Variants in TANC2 observed in about 807,000 individuals in gnomAD.
TANC2 encodes tetratricopeptide repeat, ankyrin repeat and coiled-coil containing 2.
Under a neutral mutation model 210.5 loss-of-function variants are expected in TANC2, and 26 were observed. The ratio of observed to expected loss-of-function variants is 0.12; its 90% confidence interval spans 0.09 to 0.17. The LOEUF is 0.17. Among genes scored for constraint, TANC2 ranks in the 10% least tolerant of loss-of-function variants. The pLI is 1.00. For synonymous variants in TANC2, 931 were observed against 967.1 expected (o/e 0.96, Z 0.69); for missense variants, 2,129 against 2,608.9 (o/e 0.82, Z 4.01).
Position 63,361,651 on chromosome 17 carries a change from C to T in TANC2, c.2582+6261C>T, listed in dbSNP as rs181277084. Among the ~76,000 whole-genome samples the T allele has an allele frequency of 2.6e-5, 4 of 152,332 alleles. No homozygotes were observed. In the East Asian group the frequency reaches 5.8e-4, roughly 22 times the overall value. ...TCAGGGAGTCCCTAGGTCTGGGCTC[C>T]TCAAAGAACTGCAGCTCTTCTCTCC... On this transcript the variant is annotated intron_variant, in intron 14 of 27. Transcript: ENST00000689528.
chr17:63,010,250 T>C (rs1238200049), intron 2 of TANC2, among the ~76,000 whole-genome samples: 1 of 152,190 alleles, frequency 6.6e-6, no homozygotes, highest in Non-Finnish European at 1.5e-5. Flanking sequence ...ATTGGTACTG[T>C]ATTTATTGTC....
chr17:63,170,270 CA>C (rs1390152774), intron 5 of TANC2, among the ~76,000 whole-genome samples: 1,675 of 122,260 alleles, frequency 0.014, 21 homozygotes, highest in African/African-American at 0.041. Flanking sequence ...ACTAAAAATA[CA>C]AAAAAAAAAA....
intron 9 of TANC2, among the ~76,000 whole-genome samples, chr17:63,304,786 G>A (rs1425244964): frequency 1.3e-5 from 2 of 152,168 alleles, no homozygotes; most frequent in African/African-American, 2.4e-5. Flanking sequence ...CCTGGCTGGA[G>A]TTGTTGGAGT....
intron 5 of TANC2, among the ~76,000 whole-genome samples, chr17:63,178,873 A>G (rs572049158): frequency 6.6e-6 from 1 of 152,356 alleles, no homozygotes; most frequent in Admixed American, 6.5e-5. Context: ...GAATTTGGAT[A>G]CATTGGCTAT....
chr17:63,420,309 C>T lies in TANC2; in HGVS notation c.4579C>T (p.Pro1527Ser). 3.7e-6 allele frequency: 6 copies of T among 1,613,930 alleles called. No individual in the cohort carries two copies. The highest frequency in any genetic ancestry group is 5.1e-6 in the Non-Finnish European group (6 of 1,179,878). ...CCAGGGGCTCCCGGTCATCCAGAGC[C>T]CACCCTCCTCTCCCCCGCATCGGGA... is the stretch of plus-strand genomic sequence containing the variant. Residue 1527 changes from proline (P) to serine (S), a missense_variant, in exon 28 of 28, where the codon CCA (proline) becomes TCA (serine). Physicochemically the swap from Pro to Ser is moderately conservative, Grantham distance 74. Transcript: ENST00000689528. This position sits in a 1 kb window ranked among gnomAD's most constrained non-coding sequence, Gnocchi z 4.2.
At chr17:63,000,094 T>TG (rs2033304266) in intron 1 of TANC2, among the ~76,000 whole-genome samples, 1 of 152,088 alleles carries the variant, frequency 6.6e-6, no homozygotes, top group Admixed American at 6.5e-5. Flanking sequence ...TGGAGGGGTG[T>TG]GGAAGGTGAG....
intron 1 of TANC2, among the ~76,000 whole-genome samples, chr17:62,975,340 T>G (rs73339642): frequency 0.021 from 3,205 of 152,216 alleles, 105 homozygotes; most frequent in African/African-American, 0.072. Context: ...TGATACATAT[T>G]TATTGTACTC....
At chr17:63,132,063 T>A (rs1222677671) in intron 4 of TANC2, among the ~76,000 whole-genome samples, 2 of 152,220 alleles carry the variant, frequency 1.3e-5, no homozygotes, top group Non-Finnish European at 2.9e-5. Flanking sequence ...CCTTAACATT[T>A]GTTGTTCCAG....
chr17:63,310,068 CA>C (rs1451289184), intron 9 of TANC2, among the ~76,000 whole-genome samples: 1 of 152,056 alleles, frequency 6.6e-6, no homozygotes, highest in Non-Finnish European at 1.5e-5. Context: ...AGGGAACTTT[CA>C]AAGAACAACA....
chr17:63,071,603 C>G (rs2036400629), intron 2 of TANC2, among the ~76,000 whole-genome samples: 1 of 152,058 alleles, frequency 6.6e-6, no homozygotes, highest in Non-Finnish European at 1.5e-5. Flanking sequence ...GAGAAGCTCT[C>G]TTTTAGTAGA....
chr17:63,051,096 C>T (rs2035565692), intron 2 of TANC2, among the ~76,000 whole-genome samples: 1 of 152,160 alleles, frequency 6.6e-6, no homozygotes, highest in African/African-American at 2.4e-5. Flanking sequence ...CATGCCACTC[C>T]TTTGCATAAT....
rs67245738 is a variant in TANC2, at chr17:63,098,431, T to TACACACAC, written c.140-702_140-695dup. On this transcript the variant is annotated intron_variant, in intron 3 of 27. Transcript: ENST00000689528. ...TTTCACCCCTTGGTGGGCCTTAGAC[T>TACACACAC]ACACACACACACACACACACACACA... 1.7e-3 allele frequency among the ~76,000 whole-genome samples: 160 copies of TACACACAC among 93,288 alleles called. 3 individuals are homozygous for TACACACAC. The highest frequency in any genetic ancestry group is 5.1e-3 in the Middle Eastern group (1 of 198). 61.2% of individuals were successfully genotyped at this position (93,288 alleles called of 152,430 possible). A position where few individuals can be genotyped will look rare whatever the true frequency, so the allele number is the denominator to read the frequency against.
At chr17:63,263,876 C>T (rs575777263) in intron 8 of TANC2, among the ~76,000 whole-genome samples, 13 of 152,080 alleles carry the variant, frequency 8.5e-5, no homozygotes, top group African/African-American at 3.1e-4. Flanking sequence ...ACAGCCTAAG[C>T]CATACTCAGA....
intron 2 of TANC2, among the ~76,000 whole-genome samples, chr17:63,052,765 C>T (rs540447678): frequency 1.3e-5 from 2 of 152,158 alleles, no homozygotes; most frequent in Non-Finnish European, 2.9e-5. Flanking sequence ...GAACTTAATC[C>T]CATCTTTGTT....
chr17:63,338,335 G>GT (rs879782938), intron 11 of TANC2, among the ~76,000 whole-genome samples: 10 of 151,810 alleles, frequency 6.6e-5, no homozygotes, highest in Non-Finnish European at 1.3e-4. Flanking sequence ...GCACAGATGG[G>GT]TTTTTTTTAA....
intron 19 of TANC2, among the ~76,000 whole-genome samples, chr17:63,404,576 G>T (rs566011019): frequency 3.1e-4 from 47 of 152,274 alleles, no homozygotes; most frequent in African/African-American, 1.1e-3. Context: ...AAATGTACCA[G>T]AAACTTCTGT....
At chr17:63,200,898 G>C (rs1206638765) in exon 7 of TANC2, 8 of 1,613,852 alleles carry the variant, frequency 5.0e-6, no homozygotes, top group Non-Finnish European at 6.8e-6. Context: ...AAGGACTGCA[G>C]CTATGGGGCT....
At chr17:63,230,281 C>T (rs2042441317) in intron 7 of TANC2, among the ~76,000 whole-genome samples, 3 of 152,014 alleles carry the variant, frequency 2.0e-5, no homozygotes, top group African/African-American at 7.2e-5. Flanking sequence ...TCTCTGTCTC[C>T]CTCAGTTCTG....
At chr17:63,201,334 CGAAAGAGTTAT>C (rs893644711) in intron 7 of TANC2, among the ~76,000 whole-genome samples, 1 of 152,060 alleles carries the variant, frequency 6.6e-6, no homozygotes, top group Non-Finnish European at 1.5e-5. Context: ...GATTAAGTGG[CGAAAGAGTTAT>C]GATTTGAGTT....
Sources: gnomAD v4.1 joint callset for allele counts (sites outside exome capture counted in the v4.1 genomes callset) on GRCh38, gnomAD v4.1.1 for gene constraint, Gnocchi (gnomAD v3.1) non-coding constraint, MANE v1.5 for transcripts, NCBI Gene and HGNC (gene_info 2026-07-23, HGNC 2026-07-21) for gene names.